Variants in RFC3 observed in about 807,000 individuals in gnomAD.
RFC3 encodes the protein replication factor C subunit 3, also known as A1 38 kDa subunit.
A neutral mutation model predicts 45.1 loss-of-function variants in RFC3; 41 were observed. That is an observed-to-expected ratio of 0.91 (90% CI 0.71 to 1.18). RFC3 has a LOEUF of 1.18. Ranked by LOEUF, RFC3 falls within the 50% of genes most tolerant of loss-of-function variation. RFC3 has a pLI of 0.00. For synonymous variants in RFC3, 149 were observed against 144.0 expected, an observed-to-expected ratio of 1.03 and a Z score of -0.25; for missense variants, 423 against 428.1, an observed-to-expected ratio of 0.99 and a Z score of 0.10.
intron 8 of RFC3, among the ~76,000 whole-genome samples, chr13:33,892,017 A>G (rs1474140742): frequency 1.3e-5 from 2 of 152,334 alleles, no homozygotes; most frequent in East Asian, 1.9e-4. Flanking sequence ...ACATTATTCA[A>G]CTGTCTCTAC....
chr13:33,939,131 T>G (rs916890711), intron 8 of RFC3, among the ~76,000 whole-genome samples: 3 of 152,164 alleles, frequency 2.0e-5, no homozygotes, highest in Non-Finnish European at 4.4e-5. Context: ...TAATATTAAT[T>G]TGTAGTTTTA....
chr13:33,927,330 G>A (rs935877774), intron 8 of RFC3, among the ~76,000 whole-genome samples: 11 of 152,060 alleles, frequency 7.2e-5, no homozygotes, highest in Admixed American at 2.0e-4. Context: ...GGGTTTTATT[G>A]GGGGAAAGAG....
chr13:33,838,496 T>C (rs774743921), downstream of RFC3, among the ~76,000 whole-genome samples: 14 of 152,178 alleles, frequency 9.2e-5, no homozygotes, highest in Non-Finnish European at 1.6e-4. Flanking sequence ...TTCTGTTGTT[T>C]CTGATGACAA....
rs777765038 is a variant in RFC3, at chr13:33,818,245, G to A, written c.67G>A (p.Ala23Thr). 6.2e-7 allele frequency: 1 copy of A among 1,613,540 alleles called. No individual in the cohort carries two copies. Among genetic ancestry groups the A allele is most frequent in the Non-Finnish European group, 8.5e-7 (1 of 1,179,892 alleles). ...LGRLDYHKEQ[A>T]AQLRNLVQCG... ...ACGGCTGGACTATCACAAGGAGCAG[G>A]CGGCCCAGCTGCGGAACCTGGTGAG... Residue 23 changes from alanine to threonine, a missense_variant, in exon 1 of 9, where the codon GCG becomes ACG. Ala to Thr is a moderately conservative substitution (Grantham distance 58). Coordinates refer to ENST00000380071, the MANE Select transcript of RFC3 (RefSeq NM_002915.4).
rs188083783 is a variant in RFC3 at position 33,830,865 on chromosome 13, A to T, written c.710+10A>T. ...CCTGCAGAGTGCAACAGTGAGTGGAAGGGGTAGTTACATTCTAGGACTTTG... is the reference window on the plus strand; with the variant it reads ...CCTGCAGAGTGCAACAGTGAGTGGATGGGGTAGTTACATTCTAGGACTTTG... On this transcript the variant is annotated intron_variant, in intron 6 of 8. Coordinates refer to ENST00000380071, the MANE Select transcript of RFC3 (RefSeq NM_002915.4). 20 of 1,607,110 alleles carry T rather than the reference A, an allele frequency of 1.2e-5. No individual in the cohort carries two copies. In the East Asian group the frequency reaches 4.0e-4, roughly 32 times the overall value.
intron 8 of RFC3, among the ~76,000 whole-genome samples, chr13:33,931,737 A>G (rs2082853744): frequency 6.6e-6 from 1 of 152,060 alleles, no homozygotes; most frequent in African/African-American, 2.4e-5. Context: ...TTAAACATGG[A>G]AAGTCCTCCT....
intron 1 of RFC3, among the ~76,000 whole-genome samples, chr13:33,820,845 G>A (rs1214066632): frequency 2.6e-5 from 4 of 151,112 alleles, no homozygotes; most frequent in African/African-American, 9.7e-5. Context: ...TCTTGCATGT[G>A]CTGTCACGTA....
At chr13:33,907,578 T>C (rs575979670) in intron 8 of RFC3, among the ~76,000 whole-genome samples, 29 of 152,164 alleles carry the variant, frequency 1.9e-4, no homozygotes, top group Non-Finnish European at 2.8e-4. Flanking sequence ...GTAGATTTAA[T>C]TCATTCTCAT....
intron 8 of RFC3, among the ~76,000 whole-genome samples, chr13:33,891,979 A>G (rs570075695): frequency 6.6e-6 from 1 of 151,814 alleles, no homozygotes; most frequent in Non-Finnish European, 1.5e-5. Context: ...TCAACCAGGA[A>G]AAAAAACAGA....
the RFC3 span, among the ~76,000 whole-genome samples, chr13:33,975,089 A>G: frequency 6.6e-6 from 1 of 152,342 alleles, no homozygotes; most frequent in African/African-American, 2.4e-5. Context: ...AACCTCGTAT[A>G]AATGATTATA....
Position 33,837,164 on chromosome 13 carries a change from C to T in RFC3, c.*869C>T. The T allele has an allele frequency of 1.6e-6, 1 of 633,704 alleles. No homozygotes were observed. Among genetic ancestry groups the T allele is most frequent in the Non-Finnish European group, 2.0e-6 (1 of 508,916 alleles). The allele number at this position is 633,704 out of a possible 1,614,324, so 39.3% of individuals were successfully genotyped here. On this transcript the variant is annotated 3_prime_UTR_variant, in exon 9 of 9. Coordinates refer to ENST00000380071, the MANE Select transcript of RFC3 (RefSeq NM_002915.4). ...GATTTTTGACCAGTGAAACTATGAT[C>T]CCAATCAAGGTATAGATGCCGTCAC...
At chr13:33,962,212 A>T (rs1028307719) in intron 8 of RFC3, among the ~76,000 whole-genome samples, 21 of 152,178 alleles carry the variant, frequency 1.4e-4, no homozygotes, top group African/African-American at 4.8e-4. Context: ...TAATTTGAGA[A>T]TTAGCCAGAG....
At chr13:33,971,983 C>T in the RFC3 span, among the ~76,000 whole-genome samples, 4 of 151,922 alleles carry the variant, frequency 2.6e-5, no homozygotes, top group South Asian at 2.1e-4. Flanking sequence ...GGCATGGTGG[C>T]GTGCACCTGT....
Position 33,882,567 on chromosome 13 carries a change from C to T in RFC3, c.879+47350C>T, listed in dbSNP as rs150131684. ...TCTCTCTGTCTGTCTCTATGCCTGC[C>T]GTGTGAGGATACAAACAGGAGGCAG... On this transcript the variant is annotated intron_variant, in intron 8 of 8. Coordinates refer to the RFC3 transcript ENST00000434425. Among the ~76,000 whole-genome samples the T allele has an allele frequency of 2.5e-3, 378 of 152,256 alleles. 2 individuals are homozygous for T. The highest frequency in any genetic ancestry group is 7.7e-3 in the African/African-American group (320 of 41,550).
Position 33,836,333 on chromosome 13 carries a change from A to C in RFC3, c.*38A>C. On this transcript the variant is annotated 3_prime_UTR_variant, in exon 9 of 9. Coordinates refer to ENST00000380071, the MANE Select transcript of RFC3 (RefSeq NM_002915.4). ...ATTCTTGCAAAGATTTCTCAGTATC[A>C]GTATTTACATACAGCTTATATTAAA... 1 of 1,607,242 alleles carries C rather than the reference A, an allele frequency of 6.2e-7. No individual in the cohort carries two copies. Among genetic ancestry groups the C allele is most frequent in the Non-Finnish European group, 8.5e-7 (1 of 1,175,224 alleles).
intron 8 of RFC3, among the ~76,000 whole-genome samples, chr13:33,905,512 T>A (rs2137682409): frequency 6.6e-6 from 1 of 152,130 alleles, no homozygotes; most frequent in East Asian, 1.9e-4. Context: ...AAAATCTAAA[T>A]GGCAAGAAAA....
intron 8 of RFC3, among the ~76,000 whole-genome samples, chr13:33,957,630 A>C: frequency 6.6e-6 from 1 of 152,316 alleles, no homozygotes; most frequent in South Asian, 2.1e-4. Context: ...AGCCAAGTAC[A>C]TAACTGTGAG....
At chr13:33,912,337 A>C (rs2082708407) in intron 8 of RFC3, among the ~76,000 whole-genome samples, 1 of 152,100 alleles carries the variant, frequency 6.6e-6, no homozygotes, top group South Asian at 2.1e-4. Context: ...TAATGTGACA[A>C]GTAAATAAGT....
Position 33,900,961 on chromosome 13 carries a change from C to G in RFC3, c.880-65126C>G, listed in dbSNP as rs118170456. ...TGAAAAAATGCTCAACATCACTAAT[C>G]ATCGAAGAAATGCAAATCAAAATCA... On this transcript the variant is annotated intron_variant, in intron 8 of 8. Transcript: ENST00000434425. Among the ~76,000 whole-genome samples, 79 of 151,892 alleles carry G rather than the reference C, an allele frequency of 5.2e-4. No homozygotes were observed. The East Asian group carries it at 0.014, about 26-fold the overall frequency.
Sources: allele counts gnomAD v4.1 joint callset (sites outside exome capture counted in the v4.1 genomes callset), GRCh38; gene constraint gnomAD v4.1.1; transcripts MANE v1.5; gene names NCBI Gene and HGNC (gene_info 2026-07-23, HGNC 2026-07-21).